The following TIAM1 variants were observed in gnomAD, a reference collection of about 807,000 sequenced individuals.
TIAM1 encodes the protein TIAM Rac1 associated GEF 1.
A neutral mutation model predicts 163.5 loss-of-function variants in TIAM1; 65 were observed. That is an observed-to-expected ratio of 0.40 (90% CI 0.33 to 0.49). TIAM1 has a LOEUF of 0.49. Among genes scored for constraint, TIAM1 ranks in the 20% least tolerant of loss-of-function variants. The probability of loss-of-function intolerance (pLI) is 0.77; values close to 1 mark genes in which losing one functional copy is unlikely to be tolerated. For missense variants in TIAM1, 1,789 were observed against 2,044.7 expected, an observed-to-expected ratio of 0.87 and a Z score of 2.41; for synonymous variants, 833 against 810.1, an observed-to-expected ratio of 1.03 and a Z score of -0.48.
chr21:31,192,920 C>G (rs953694537), intron 13 of TIAM1, among the ~76,000 whole-genome samples: 15 of 152,166 alleles, frequency 9.9e-5, no homozygotes, highest in Admixed American at 4.6e-4. Flanking sequence ...AGCCAACCCA[C>G]AAGGGACGCG....
intron 3 of TIAM1, among the ~76,000 whole-genome samples, chr21:31,276,127 C>A (rs138655434): frequency 6.6e-6 from 1 of 151,986 alleles, no homozygotes; most frequent in African/African-American, 2.4e-5. Context: ...CTACTGGAGG[C>A]TGAGCTTGAA....
chr21:31,394,724 TCTCTCACACACACA>T (rs749934872), intron 2 of TIAM1, among the ~76,000 whole-genome samples: 12,169 of 128,892 alleles, frequency 0.094, 699 homozygotes, highest in Middle Eastern at 0.18. Context: ...TCTCTCTCTC[TCTCTCACACACACA>T]CACACACACA....
chr21:31,439,195 C>T (rs1406012500), intron 2 of TIAM1, among the ~76,000 whole-genome samples: 1 of 152,204 alleles, frequency 6.6e-6, no homozygotes, highest in Non-Finnish European at 1.5e-5. Flanking sequence ...GTGATTAAAA[C>T]TAGACTTGGC....
rs1329315711 is a variant in TIAM1, at chr21:31,251,912, C to G, written c.1241G>C (p.Ser414Thr). ...CTGGCCCGGAGAGCTCAGGGTGCCG[C>G]TGCTCTGCTCATCGCTGTGCGCCGA... ...AGSAHSDEQS[S>T]GTLSSPGQSD... is the part of the protein sequence containing the mutation. Residue 414 changes from serine to threonine, a missense_variant, in exon 5 of 28, where the codon AGC becomes ACC. Physicochemically the swap from Ser to Thr is moderately conservative, Grantham distance 58. Transcript: ENST00000541036. The G allele has an allele frequency of 6.2e-7, 1 of 1,613,860 alleles. No individual in the cohort carries two copies. Among genetic ancestry groups the G allele is most frequent in the Non-Finnish European group, 8.5e-7 (1 of 1,179,922 alleles).
chr21:31,544,043 G>A (rs2048406741), intron 1 of TIAM1, among the ~76,000 whole-genome samples: 1 of 151,558 alleles, frequency 6.6e-6, no homozygotes, highest in Non-Finnish European at 1.5e-5. Flanking sequence ...AAACCCATCT[G>A]TATTAAAAAT....
intron 10 of TIAM1, 121 bp downstream of exon 10, chr21:31,213,277 A>G: frequency 1.2e-6 from 1 of 817,824 alleles, no homozygotes; most frequent in Non-Finnish European, 1.9e-6. Context: ...ACTTTTAAAA[A>G]CTGATTTCAG....
intron 2 of TIAM1, among the ~76,000 whole-genome samples, chr21:31,281,680 G>GTGGATGGATGGA (rs546267553): frequency 4.0e-4 from 61 of 152,158 alleles, no homozygotes; most frequent in African/African-American, 1.2e-3. Flanking sequence ...GGACAGATAA[G>GTGGATGGATGGA]TGGATGGATG....
rs1370805436 is a variant in TIAM1, at chr21:31,487,582, G to A, written c.-421-23547C>T. Reference sequence around the variant, plus strand: ...TTTTTTTTTTTTGAGACGGAGTCTCGCTCTGTCGCCCAGGCCGGACTGCGG... The same window carrying A: ...TTTTTTTTTTTTGAGACGGAGTCTCACTCTGTCGCCCAGGCCGGACTGCGG... On this transcript the variant is annotated intron_variant, in intron 1 of 28. Coordinates refer to the TIAM1 transcript ENST00000286827. Among the ~76,000 whole-genome samples the A allele has an allele frequency of 3.0e-3, 385 of 130,476 alleles. 4 individuals are homozygous for A. The highest frequency in any genetic ancestry group is 0.011 in the African/African-American group (368 of 33,472). 85.6% of individuals were successfully genotyped at this position (130,476 alleles called of 152,430 possible).
chr21:31,468,619 CA>C, intron 1 of TIAM1, among the ~76,000 whole-genome samples: 2 of 150,662 alleles, frequency 1.3e-5, no homozygotes, highest in Admixed American at 1.3e-4. Flanking sequence ...ACTAAAAATA[CA>C]AAAAAATTAG....
intron 2 of TIAM1, among the ~76,000 whole-genome samples, chr21:31,409,112 CTTTT>C (rs200352360): frequency 0.21 from 29,837 of 140,988 alleles, 3,780 homozygotes; most frequent in African/African-American, 0.38. Flanking sequence ...TTCTCCTTTT[CTTTT>C]TTTTTTTTTT....
At chr21:31,198,930 A>C (rs1297278951) in intron 12 of TIAM1, among the ~76,000 whole-genome samples, 2 of 152,182 alleles carry the variant, frequency 1.3e-5, no homozygotes, top group Non-Finnish European at 2.9e-5. Context: ...ACTATATCTC[A>C]AGAAGCGTTT....
rs1316537150 is a variant in TIAM1 at position 31,265,906 on chromosome 21, G to A, written c.963+104C>T. 4 of 1,484,092 alleles carry A rather than the reference G, an allele frequency of 2.7e-6. No homozygotes were observed. In the South Asian group the frequency reaches 5.4e-5, roughly 20 times the overall value. The allele number at this position is 1,484,092 out of a possible 1,614,324, so 91.9% of individuals were successfully genotyped here. On this transcript the variant is annotated intron_variant, in intron 4 of 27. Transcript: ENST00000541036. The stretch of plus-strand genomic sequence containing the variant: ...GCTGCAGCAACTACCAGGCAAACAG[G>A]GTAAAACCCGATTAAAAGATGGAAA...
At chr21:31,441,071 T>C (rs914600125) in intron 2 of TIAM1, among the ~76,000 whole-genome samples, 1 of 152,184 alleles carries the variant, frequency 6.6e-6, no homozygotes, top group African/African-American at 2.4e-5. Flanking sequence ...ATGGTGCCTA[T>C]TTAATCAGCT....
chr21:31,404,336 C>A (rs149049135), intron 2 of TIAM1, among the ~76,000 whole-genome samples: 1 of 152,310 alleles, frequency 6.6e-6, no homozygotes, highest in East Asian at 1.9e-4. Context: ...ACTTCACAGT[C>A]CACTCAACTG....
intron 15 of TIAM1, among the ~76,000 whole-genome samples, chr21:31,177,189 G>T (rs1430853901): frequency 6.6e-6 from 1 of 152,068 alleles, no homozygotes; most frequent in Non-Finnish European, 1.5e-5. Context: ...GCCTCATTTG[G>T]TCCTCACAAC....
chr21:31,169,988 G>A (rs1486855803), intron 15 of TIAM1, among the ~76,000 whole-genome samples: 2 of 152,030 alleles, frequency 1.3e-5, no homozygotes, highest in African/African-American at 4.8e-5. Context: ...AAGAGGACAG[G>A]AAAGGAAAAG....
intron 2 of TIAM1, among the ~76,000 whole-genome samples, chr21:31,388,926 C>T (rs2076924297): frequency 6.6e-6 from 1 of 152,224 alleles, no homozygotes; most frequent in African/African-American, 2.4e-5. Context: ...CTGCCAGCAG[C>T]AAGAAGCACT....
At chr21:31,324,314 C>G (rs2075414314) in intron 2 of TIAM1, among the ~76,000 whole-genome samples, 1 of 152,006 alleles carries the variant, frequency 6.6e-6, no homozygotes, top group African/African-American at 2.4e-5. Flanking sequence ...GATGGCACCA[C>G]TGCACTCCAG....
At chr21:31,396,176 A>G (rs2077064753) in intron 2 of TIAM1, among the ~76,000 whole-genome samples, 1 of 152,210 alleles carries the variant, frequency 6.6e-6, no homozygotes, top group South Asian at 2.1e-4. Context: ...AGAGGAGTAG[A>G]GGGGCTTGTT....
Sources: gnomAD v4.1 joint callset for allele counts (sites outside exome capture counted in the v4.1 genomes callset) on GRCh38, gnomAD v4.1.1 for gene constraint, MANE v1.5 for transcripts, NCBI Gene and HGNC (gene_info 2026-07-23, HGNC 2026-07-21) for gene names.